NCAM1: variants seen among roughly 807,000 people sequenced by gnomAD.
NCAM1 encodes neural cell adhesion molecule 1.
In NCAM1, 14 loss-of-function variants were observed where a neutral mutation model predicts 109.8. The observed-to-expected ratio is 0.13, with a 90% CI of 0.08 to 0.20. NCAM1 has a LOEUF of 0.20. NCAM1 is among the 10% of genes least tolerant of loss of function. NCAM1 has a pLI of 1.00. For synonymous variants in NCAM1, 418 were observed against 442.9 expected, an observed-to-expected ratio of 0.94 and a Z score of 0.70; for missense variants, 774 against 1,109.9, an observed-to-expected ratio of 0.70 and a Z score of 4.30.
chr11:112,979,299 T>C (rs1951089251), intron 1 of NCAM1, among the ~76,000 whole-genome samples: 1 of 151,750 alleles, frequency 6.6e-6, no homozygotes, highest in African/African-American at 2.4e-5. Flanking sequence ...TCATAATAAA[T>C]TTTTTTCCAA....
At chr11:113,240,441 A>T in intron 14 of NCAM1, 1 of 298,882 alleles carries the variant, frequency 3.3e-6, no homozygotes, top group African/African-American at 2.2e-5. Context: ...TGAGGTCCAG[A>T]TTCCTTTTCC....
intron 1 of NCAM1, among the ~76,000 whole-genome samples, chr11:113,014,449 G>A (rs1306301750): frequency 3.9e-5 from 6 of 152,094 alleles, no homozygotes; most frequent in Admixed American, 6.5e-5. Context: ...GCTCATTCCC[G>A]TCTGCCCAGC....
intron 1 of NCAM1, among the ~76,000 whole-genome samples, chr11:113,105,480 TACTC>T (rs1485062216): frequency 6.6e-6 from 1 of 152,216 alleles, no homozygotes; most frequent in Non-Finnish European, 1.5e-5. Context: ...ATAGCAGCGT[TACTC>T]ACAGTAGCTG....
Position 113,264,341 on chromosome 11 carries a change from T to C in NCAM1, c.2131+4018T>C, listed in dbSNP as rs1207529314. 8.1e-6 allele frequency: 8 copies of C among 985,330 alleles called. No individual in the cohort carries two copies. In the Admixed American group the frequency reaches 4.9e-4, roughly 61 times the overall value. 61.0% of individuals were successfully genotyped at this position (985,330 alleles called of 1,614,324 possible). On this transcript the variant is annotated intron_variant, in intron 17 of 19. Transcript: ENST00000316851. The stretch of plus-strand genomic sequence containing the variant: ...GGTCTGAGGGGCAAAGCCACCTATG[T>C]TGGCGCTCGCCATTAATCCCCAGCG...
Position 113,028,109 on chromosome 11 carries a change from T to C in NCAM1, c.52+66445T>C, listed in dbSNP as rs890597219. 4.6e-5 allele frequency among the ~76,000 whole-genome samples: 7 copies of C among 152,150 alleles called. No homozygotes were observed. In the East Asian group the frequency reaches 1.3e-3, roughly 29 times the overall value. The stretch of plus-strand genomic sequence containing the variant: ...TATATAGGAAGAATAGTTTTGGGTT[T>C]TCTATTTCATAGTAGGGTGACTATA... On this transcript the variant is annotated intron_variant, in intron 1 of 19. Transcript: ENST00000316851.
chr11:113,104,202 T>TGGGGGGGGGGGGG (rs1565438460), intron 1 of NCAM1, among the ~76,000 whole-genome samples: 1 of 2,548 alleles, frequency 3.9e-4, no homozygotes, highest in Admixed American at 4.1e-3. Flanking sequence ...GAAGAGGAGG[T>TGGGGGGGGGGGGG]GGGGTGGGGG....
At chr11:113,182,356 G>A (rs150568974) in intron 1 of NCAM1, among the ~76,000 whole-genome samples, 55 of 152,262 alleles carry the variant, frequency 3.6e-4, no homozygotes, top group African/African-American at 9.1e-4. Flanking sequence ...GGTGTGGAGC[G>A]TGGATCTGTT....
At chr11:113,189,711 A>G (rs1218395598) in intron 1 of NCAM1, among the ~76,000 whole-genome samples, 1 of 152,094 alleles carries the variant, frequency 6.6e-6, no homozygotes, top group African/African-American at 2.4e-5. Flanking sequence ...ACAGACTGGG[A>G]TTCAAAGGCT....
At chr11:113,172,576 TGCACA>T in intron 1 of NCAM1, among the ~76,000 whole-genome samples, 1 of 152,204 alleles carries the variant, frequency 6.6e-6, no homozygotes, top group African/African-American at 2.4e-5. Context: ...TTTAGAAGAT[TGCACA>T]TTTTGTTTAA....
chr11:113,100,149 C>T (rs1422102800), intron 1 of NCAM1, among the ~76,000 whole-genome samples: 1 of 152,154 alleles, frequency 6.6e-6, no homozygotes, highest in Non-Finnish European at 1.5e-5. Flanking sequence ...TCTCTTAACT[C>T]ATCCTGGGGT....
chr11:113,146,906 A>C (rs1942038903), intron 1 of NCAM1, among the ~76,000 whole-genome samples: 1 of 152,090 alleles, frequency 6.6e-6, no homozygotes, highest in Admixed American at 6.5e-5. Context: ...GAAAAAAAAA[A>C]AAACCTGCTT....
chr11:113,266,915 T>C (rs1185382980), intron 17 of NCAM1, among the ~76,000 whole-genome samples: 2 of 152,092 alleles, frequency 1.3e-5, no homozygotes, highest in Non-Finnish European at 2.9e-5. Context: ...GAAGAGACAC[T>C]CTCCACCCAT....
intron 16 of NCAM1, among the ~76,000 whole-genome samples, chr11:113,257,775 C>T (rs1294745355): frequency 4.6e-5 from 7 of 152,184 alleles, no homozygotes; most frequent in Admixed American, 1.3e-4. Flanking sequence ...CTGGTTGTCT[C>T]TTGTATAATG....
intron 1 of NCAM1, among the ~76,000 whole-genome samples, chr11:113,076,691 T>A (rs1938540791): frequency 6.6e-6 from 1 of 152,210 alleles, no homozygotes; most frequent in African/African-American, 2.4e-5. Context: ...AAGATATTTA[T>A]ATGTACCTCT....
rs559801650 is a variant in NCAM1, at chr11:113,175,343, G to A, written c.53-27036G>A. On this transcript the variant is annotated intron_variant, in intron 1 of 19. Transcript: ENST00000316851. ...GGTGGCAAGGGGTAGAATGTGAATC[G>A]TGCATTTTGTAACAATTTGGAAAGC... is the stretch of plus-strand genomic sequence containing the variant. Among the ~76,000 whole-genome samples, 4 of 152,332 alleles carry A rather than the reference G, an allele frequency of 2.6e-5. No individual in the cohort carries two copies. In the East Asian group the frequency reaches 5.8e-4, roughly 22 times the overall value.
At chr11:113,101,363 G>A (rs1314648142) in intron 1 of NCAM1, among the ~76,000 whole-genome samples, 1 of 152,172 alleles carries the variant, frequency 6.6e-6, no homozygotes, top group Non-Finnish European at 1.5e-5. Context: ...TTAGTTGTTA[G>A]CACCGCTGAG....
In NCAM1 at chr11:113,259,401, G is replaced by A. The variant is rs990959547; in HGVS notation, c.1954-745G>A. Among the ~76,000 whole-genome samples, 3 of 152,186 alleles carry A rather than the reference G, an allele frequency of 2.0e-5. No individual in the cohort carries two copies. The East Asian group carries it at 5.8e-4, about 29-fold the overall frequency. ...GAATCTACACAGTATTCACACATCAGGAAGGTGAGTCAGCCACTTTAACTT... is the reference window on the plus strand; with the variant it reads ...GAATCTACACAGTATTCACACATCAAGAAGGTGAGTCAGCCACTTTAACTT... On this transcript the variant is annotated intron_variant, in intron 16 of 19. Transcript: ENST00000316851.
chr11:113,078,079 C>T (rs1938612846), intron 1 of NCAM1, among the ~76,000 whole-genome samples: 1 of 152,152 alleles, frequency 6.6e-6, no homozygotes, highest in Admixed American at 6.5e-5. Context: ...CTTAAAACAA[C>T]AGAAATTTAT....
chr11:113,228,569 T>G (rs1430627023), intron 9 of NCAM1, among the ~76,000 whole-genome samples: 4 of 152,150 alleles, frequency 2.6e-5, no homozygotes, highest in African/African-American at 9.7e-5. Flanking sequence ...TTCACAGAAT[T>G]GGAAAAAAGC....
Sources: allele counts gnomAD v4.1 joint callset (sites outside exome capture counted in the v4.1 genomes callset), GRCh38; gene constraint gnomAD v4.1.1; transcripts MANE v1.5; gene names NCBI Gene and HGNC (gene_info 2026-07-23, HGNC 2026-07-21).